Variants in ATP1A4 observed in about 807,000 individuals in gnomAD.
ATP1A4 encodes ATPase Na+/K+ transporting subunit alpha 4.
In ATP1A4, 90 loss-of-function variants were observed where a neutral mutation model predicts 114.3. That is an observed-to-expected ratio of 0.79 (90% CI 0.66 to 0.94). ATP1A4 has a LOEUF of 0.94. ATP1A4 is among the 40% of genes least tolerant of loss of function. The probability of loss-of-function intolerance (pLI) is 0.00; values close to 1 mark genes in which losing one functional copy is unlikely to be tolerated. For missense variants in ATP1A4, 1,222 were observed against 1,313.6 expected (o/e 0.93, Z 1.08); for synonymous variants, 511 against 494.1 (o/e 1.03, Z -0.45).
chr1:160,182,126 G>A, intron 20 of ATP1A4, 95 bp downstream of exon 20: 1 of 1,018,596 alleles, frequency 9.8e-7, no homozygotes. Flanking sequence ...TGAGCCAGGA[G>A]CTGCCTGGAT....
chr1:160,176,111 C>T lies in ATP1A4; in HGVS notation c.2331C>T (p.Asn777=). Residue 777 remains asparagine, a synonymous_variant, in exon 16 of 22, where the codon AAC becomes AAT. Coordinates refer to ENST00000368081, the MANE Select transcript of ATP1A4 (RefSeq NM_144699.4). The part of the protein sequence containing the change: ...GVEEGRLIFD[N]LKKSIMYTLT... ...CCCCAGGCCGCCTGATCTTTGACAA[C>T]CTGAAGAAATCCATCATGTACACCC... 6.2e-7 allele frequency: 1 copy of T among 1,614,128 alleles called. No individual in the cohort carries two copies. Among genetic ancestry groups the T allele is most frequent in the Non-Finnish European group, 8.5e-7 (1 of 1,180,016 alleles).
At chr1:160,156,971 G>A (rs902570915) in intron 4 of ATP1A4, among the ~76,000 whole-genome samples, 1 of 152,058 alleles carries the variant, frequency 6.6e-6, no homozygotes, top group African/African-American at 2.4e-5. Context: ...AAAATTAGCT[G>A]AGCGTGCCTG....
intron 9 of ATP1A4, 44 bp from the exon 10 acceptor site, chr1:160,167,234 G>A (rs1006923932): frequency 6.4e-7 from 1 of 1,571,436 alleles, no homozygotes; most frequent in Non-Finnish European, 8.6e-7. Flanking sequence ...TCATGCCCAG[G>A]TAGCATGCCC....
At chr1:160,174,047 G>T in intron 13 of ATP1A4, 64 bp from the exon 14 acceptor site, 2 of 1,558,390 alleles carry the variant, frequency 1.3e-6, no homozygotes, top group South Asian at 1.2e-5. Context: ...GTCAAGATGG[G>T]CACCAAGACC....
intron 6 of ATP1A4, among the ~76,000 whole-genome samples, chr1:160,162,500 G>A (rs556826392): frequency 8.7e-4 from 132 of 152,314 alleles, no homozygotes; most frequent in Non-Finnish European, 1.5e-3. Flanking sequence ...GCAAAGCAGG[G>A]AGGGGGCGCA....
chr1:160,174,703 T>C lies in ATP1A4; in HGVS notation c.2267T>C (p.Leu756Pro). The stretch of plus-strand genomic sequence containing the variant: ...TCTAAGCAGGCAGCCGACATGATCC[T>C]GCTGGATGACAACTTTGCCTCCATC... Reference protein sequence around the residue: ...DVSKQAADMILLDDNFASIVT... With the variant: ...DVSKQAADMIPLDDNFASIVT... The change falls in exon 15 of 22, where the codon CTG becomes CCG. Residue 756 changes from leucine (L) to proline (P), a missense_variant. By Grantham distance (98) the Leu-to-Pro change is moderately conservative. Transcript: ENST00000368081. The C allele has an allele frequency of 6.2e-7, 1 of 1,614,188 alleles. No individual in the cohort carries two copies. Among genetic ancestry groups the C allele is most frequent in the South Asian group, 1.1e-5 (1 of 91,078 alleles).
intron 6 of ATP1A4, among the ~76,000 whole-genome samples, chr1:160,160,086 T>C (rs1049850407): frequency 1.6e-4 from 25 of 152,238 alleles, no homozygotes; most frequent in African/African-American, 5.8e-4. Context: ...AAAAAGGGAC[T>C]GAACATCATT....
chr1:160,179,694 T>A (rs2101654416), intron 18 of ATP1A4, among the ~76,000 whole-genome samples: 1 of 152,360 alleles, frequency 6.6e-6, no homozygotes, highest in East Asian at 1.9e-4. Flanking sequence ...TTACTGAGCA[T>A]CTTCTATGTA....
rs780510296 is a variant in ATP1A4, at chr1:160,166,621, A to T, written c.1141A>T (p.Ile381Phe). ...GGAGACGCTGGGCTCCACGTCCACCATCTGCTCAGACAAGACGGGCACCCT... is the reference window on the plus strand; with the variant it reads ...GGAGACGCTGGGCTCCACGTCCACCTTCTGCTCAGACAAGACGGGCACCCT... ...AVETLGSTST[I>F]CSDKTGTLTQ... The change falls in exon 8 of 22, where the codon ATC becomes TTC. Residue 381 changes from isoleucine to phenylalanine, a missense_variant. Ile to Phe is a conservative substitution (Grantham distance 21). Coordinates refer to ENST00000368081, the MANE Select transcript of ATP1A4 (RefSeq NM_144699.4). 2 of 1,614,254 alleles carry T rather than the reference A, an allele frequency of 1.2e-6. No individual in the cohort carries two copies. The highest frequency in any genetic ancestry group is 2.2e-5 in the South Asian group (2 of 91,088).
chr1:160,159,392 C>G lies in ATP1A4; in HGVS notation c.661-17C>G, dbSNP rs138867578. On this transcript the variant is annotated splice_polypyrimidine_tract_variant and intron_variant, in intron 5 of 21. Transcript: ENST00000368081. ...TTCCTATGCTCACCTTACAACGCGT[C>G]CCCTCTCCCATCCCAGGTGGACAAC... is the stretch of plus-strand genomic sequence containing the variant. 8.2e-4 allele frequency: 1,310 copies of G among 1,597,148 alleles called. 3 individuals are homozygous for G. Among genetic ancestry groups the G allele is most frequent in the Non-Finnish European group, 1.0e-3 (1,185 of 1,171,520 alleles).
rs760916457 is a variant in ATP1A4, at chr1:160,164,234, C to A, written c.857C>A (p.Ala286Glu). ...GRIASLTSGLAVGQTPIAAEI... is the reference protein window; with the variant it reads ...GRIASLTSGLEVGQTPIAAEI... ...ATTGCCTCCCTGACGTCAGGCCTGG[C>A]GGTTGGCCAGACACCTATCGCTGCT... Residue 286 changes from alanine (A) to glutamate (E), a missense_variant, in exon 7 of 22, where the codon GCG (alanine) becomes GAG (glutamate). Physicochemically the swap from Ala to Glu is moderately radical, Grantham distance 107 (BLOSUM62 -1). Transcript: ENST00000368081. 2.5e-6 allele frequency: 4 copies of A among 1,614,208 alleles called. No homozygotes were observed. The highest frequency in any genetic ancestry group is 2.2e-5 in the East Asian group (1 of 44,888).
chr1:160,176,048 T>A (rs752794818), intron 15 of ATP1A4, 44 bp from the exon 16 acceptor site: 1 of 1,610,622 alleles, frequency 6.2e-7, no homozygotes, highest in Non-Finnish European at 8.5e-7. Context: ...GAGGGAGGCG[T>A]GTTCTCCCAG....
In ATP1A4 at chr1:160,156,040, C is replaced by T. The variant is rs1571010042; in HGVS notation, c.412-5C>T. 3 of 1,589,790 alleles carry T rather than the reference C, an allele frequency of 1.9e-6. No homozygotes were observed. The highest frequency in any genetic ancestry group is 8.6e-7 in the Non-Finnish European group (1 of 1,157,950). On this transcript the variant is annotated splice_region_variant and splice_polypyrimidine_tract_variant and intron_variant, in intron 3 of 21. Transcript: ENST00000368081. ...CTGATAAACGCTTTCTTTCCCCACC[C>T]TCAGCTCTACCTGAGCATCGTACTG...
intron 18 of ATP1A4, 21 bp from the exon 19 acceptor site, chr1:160,181,663 C>T (rs1653710268): frequency 6.2e-7 from 1 of 1,613,706 alleles, no homozygotes; most frequent in Non-Finnish European, 8.5e-7. Context: ...ACACTGTTTC[C>T]TCTCTCCCTG....
intron 10 of ATP1A4, chr1:160,169,655 C>T (rs950558548): frequency 6.6e-6 from 1 of 152,212 alleles, no homozygotes; most frequent in Admixed American, 6.5e-5. Context: ...TTCAATGCAT[C>T]GATTTTGTTC....
chr1:160,170,644 C>T (rs7548344), intron 10 of ATP1A4: 29,964 of 146,182 alleles, frequency 0.2, 3,160 homozygotes, highest in Non-Finnish European at 0.23. Context: ...AGTGCAATAG[C>T]GCAATCTTGG....
At chr1:160,158,926 A>G in intron 4 of ATP1A4, 76 bp from the exon 5 acceptor site, 1 of 1,502,914 alleles carries the variant, frequency 6.7e-7, no homozygotes, top group Non-Finnish European at 9.0e-7. Flanking sequence ...GAGACCAATA[A>G]CAGAAGGTTT....
chr1:160,153,334 C>A, intron 2 of ATP1A4, 110 bp downstream of exon 2: 1 of 932,138 alleles, frequency 1.1e-6, no homozygotes. Context: ...GTCCAACGTT[C>A]CCACCCCTCA....
At chr1:160,156,393 A>G (rs1445362308) in intron 4 of ATP1A4, among the ~76,000 whole-genome samples, 2 of 151,994 alleles carry the variant, frequency 1.3e-5, no homozygotes, top group African/African-American at 4.8e-5. Context: ...ATCTGAATCT[A>G]AAGAGGAAAC....
Sources: allele counts gnomAD v4.1 joint callset (sites outside exome capture counted in the v4.1 genomes callset), GRCh38; gene constraint gnomAD v4.1.1; transcripts MANE v1.5; gene names NCBI Gene and HGNC (gene_info 2026-07-23, HGNC 2026-07-21).